The following GOLPH3L variants were observed in gnomAD, a reference collection of about 807,000 sequenced individuals.
GOLPH3L encodes the protein golgi phosphoprotein 3 like.
GOLPH3L carries 22 observed loss-of-function variants against 30.3 expected under a neutral mutation model. That is an observed-to-expected ratio of 0.73 (90% CI 0.52 to 1.04). The LOEUF is 1.04. Ranked by LOEUF, GOLPH3L falls within the 50% of genes least tolerant of loss-of-function variation. The pLI is 0.00. For synonymous variants in GOLPH3L, 120 were observed against 128.2 expected (o/e 0.94, Z 0.43); for missense variants, 303 against 345.8 (o/e 0.88, Z 0.98).
At chr1:150,665,063 C>T (rs1031285261) in intron 2 of GOLPH3L, among the ~76,000 whole-genome samples, 20 of 152,022 alleles carry the variant, frequency 1.3e-4, no homozygotes, top group African/African-American at 4.8e-4. Context: ...CTATTGAATA[C>T]TTATTATATA....
chr1:150,674,955 A>G (rs900944881), intron 2 of GOLPH3L, among the ~76,000 whole-genome samples: 3 of 152,038 alleles, frequency 2.0e-5, no homozygotes, highest in African/African-American at 4.8e-5. Flanking sequence ...CAGTGGCACA[A>G]TCATGGCTCA....
chr1:150,694,857 G>A lies in GOLPH3L; in HGVS notation c.-12-7C>T. 6.4e-7 allele frequency: 1 copy of A among 1,550,716 alleles called. No homozygotes were observed. The highest frequency in any genetic ancestry group is 8.7e-7 in the Non-Finnish European group (1 of 1,148,454). On this transcript the variant is annotated splice_region_variant and splice_polypyrimidine_tract_variant and intron_variant, in intron 1 of 4. Transcript: ENST00000271732. Reference sequence around the variant, plus strand: ...TGGTCATTCTCACCTGTTTCTGGAGGGAGTGGTGAAAAAAAAAATCCATAT... The same window carrying A: ...TGGTCATTCTCACCTGTTTCTGGAGAGAGTGGTGAAAAAAAAAATCCATAT...
At chr1:150,684,104 C>A (rs1435675089) in intron 2 of GOLPH3L, among the ~76,000 whole-genome samples, 1 of 152,138 alleles carries the variant, frequency 6.6e-6, no homozygotes, top group East Asian at 1.9e-4. Context: ...GCCAGGAAGG[C>A]ATTTGCATAG....
chr1:150,682,306 C>G (rs1284366067), intron 2 of GOLPH3L, among the ~76,000 whole-genome samples: 2 of 151,958 alleles, frequency 1.3e-5, no homozygotes, highest in African/African-American at 4.8e-5. Context: ...CAAGCAAGAT[C>G]TGCAACACTT....
At chr1:150,663,908 T>G in intron 2 of GOLPH3L, 145 bp from the exon 3 acceptor site, 2 of 534,224 alleles carry the variant, frequency 3.7e-6, no homozygotes, top group Admixed American at 6.9e-5. Context: ...GGATGTTTCT[T>G]TAATCCTCTT....
intron 2 of GOLPH3L, among the ~76,000 whole-genome samples, chr1:150,690,554 T>C (rs1027803537): frequency 6.6e-6 from 1 of 152,224 alleles, no homozygotes; most frequent in Non-Finnish European, 1.5e-5. Context: ...CTGATTCTCT[T>C]TTCCCTAAAG....
rs587769164 is a variant in GOLPH3L at position 150,651,228 on chromosome 1, G to A, written c.431-2480C>T. Among the ~76,000 whole-genome samples, 7 of 151,986 alleles carry A rather than the reference G, an allele frequency of 4.6e-5. No homozygotes were observed. The East Asian group carries it at 7.7e-4, about 17-fold the overall frequency. On this transcript the variant is annotated intron_variant, in intron 4 of 4. Transcript: ENST00000271732. ...GCTCAGGAGGCTGAGGCAGAGAATC[G>A]CTTGAACCTGGGAGGTGGAGGCTGC...
chr1:150,695,482 A>G (rs769417078), intron 1 of GOLPH3L, among the ~76,000 whole-genome samples: 20 of 151,994 alleles, frequency 1.3e-4, no homozygotes, highest in Admixed American at 5.9e-4. Flanking sequence ...AGGAGTGAAT[A>G]TCCACCATTG....
At chr1:150,663,827 C>G in intron 2 of GOLPH3L, 64 bp from the exon 3 acceptor site, 1 of 1,443,232 alleles carries the variant, frequency 6.9e-7, no homozygotes, top group South Asian at 1.2e-5. Context: ...CCAGCAGGCA[C>G]CCTAAGAACA....
intron 2 of GOLPH3L, among the ~76,000 whole-genome samples, chr1:150,682,623 CAAAAAAAAAAAAAAAAA>C (rs145118551): frequency 4.0e-5 from 2 of 50,316 alleles, no homozygotes; most frequent in Admixed American, 3.2e-4. Flanking sequence ...GACTCTTTCT[CAAAAAAAAAAAAAAAAA>C]AAAAAAAAAA....
intron 2 of GOLPH3L, among the ~76,000 whole-genome samples, chr1:150,667,361 A>G (rs1307954720): frequency 6.6e-6 from 1 of 152,152 alleles, no homozygotes; most frequent in East Asian, 1.9e-4. Flanking sequence ...GTCCTGCTAT[A>G]GCCAGGACAA....
intron 1 of GOLPH3L, among the ~76,000 whole-genome samples, chr1:150,696,036 T>C (rs1651345476): frequency 6.6e-6 from 1 of 152,214 alleles, no homozygotes; most frequent in East Asian, 1.9e-4. Flanking sequence ...GTTTTTAAGA[T>C]AATATATAAC....
chr1:150,662,103 C>CA (rs1362318436), intron 3 of GOLPH3L, among the ~76,000 whole-genome samples, 175 bp from the exon 4 acceptor site: 3 of 152,030 alleles, frequency 2.0e-5, no homozygotes, highest in Non-Finnish European at 4.4e-5. Context: ...AGTGCAAAGA[C>CA]AAAAATAACA....
intron 2 of GOLPH3L, among the ~76,000 whole-genome samples, chr1:150,691,318 C>T (rs1651205742): frequency 6.6e-6 from 1 of 152,164 alleles, no homozygotes; most frequent in African/African-American, 2.4e-5. Flanking sequence ...GAGTTCAAGA[C>T]CAGCCTGACC....
At chr1:150,675,003 T>C (rs1650738373) in intron 2 of GOLPH3L, among the ~76,000 whole-genome samples, 1 of 152,066 alleles carries the variant, frequency 6.6e-6, no homozygotes, top group Non-Finnish European at 1.5e-5. Context: ...TTATCCTCCC[T>C]TGTGGTTAGG....
At position 150,647,605 on chromosome 1, in the gene GOLPH3L, T is replaced by C. The variant is rs1650014895; in HGVS notation, c.*716A>G. On this transcript the variant is annotated 3_prime_UTR_variant, in exon 5 of 5. Coordinates refer to ENST00000271732, the MANE Select transcript of GOLPH3L (RefSeq NM_018178.6). ...CTTACAAATTCTAATGCTGATTGCA[T>C]GAACGAGGTGTTGAGAGAGACTTTT... 6.5e-6 allele frequency: 1 copy of C among 152,678 alleles called. No individual in the cohort carries two copies. The highest frequency in any genetic ancestry group is 2.4e-5 in the African/African-American group (1 of 41,448). The allele number at this position is 152,678 out of a possible 1,614,324, so 9.5% of individuals were successfully genotyped here.
At chr1:150,669,509 T>C (rs1208528831) in intron 2 of GOLPH3L, among the ~76,000 whole-genome samples, 4 of 152,328 alleles carry the variant, frequency 2.6e-5, no homozygotes, top group South Asian at 4.1e-4. Context: ...AGCACGTACA[T>C]ACTAAAGTTC....
chr1:150,682,117 T>C (rs1650968604), intron 2 of GOLPH3L, among the ~76,000 whole-genome samples: 1 of 152,090 alleles, frequency 6.6e-6, no homozygotes, highest in Non-Finnish European at 1.5e-5. Context: ...CTGAAAACAG[T>C]CTATAAGGAT....
chr1:150,660,843 G>A (rs2101786879), intron 4 of GOLPH3L, among the ~76,000 whole-genome samples: 1 of 152,264 alleles, frequency 6.6e-6, no homozygotes, highest in African/African-American at 2.4e-5. Context: ...TGATGAGGAA[G>A]CTTTGGGTAT....
Sources: allele counts gnomAD v4.1 joint callset (sites outside exome capture counted in the v4.1 genomes callset), GRCh38; gene constraint gnomAD v4.1.1; transcripts MANE v1.5; gene names NCBI Gene and HGNC (gene_info 2026-07-23, HGNC 2026-07-21).